The following ANKRD34C variants were observed in gnomAD, a reference collection of about 807,000 sequenced individuals.
The protein encoded by ANKRD34C is ankyrin repeat domain 34C.
For missense variants in ANKRD34C, 563 were observed against 653.0 expected (o/e 0.86, Z 1.50); for synonymous variants, 260 against 253.6 (o/e 1.03, Z -0.24).
intron 1 of ANKRD34C, among the ~76,000 whole-genome samples, chr15:79,289,292 T>TA (rs1015332854): frequency 3.3e-5 from 5 of 152,150 alleles, no homozygotes; most frequent in Non-Finnish European, 5.9e-5. Context: ...AGGCCCACAG[T>TA]AAAAAAATGG....
At chr15:79,286,464 C>A (rs981291506) in intron 1 of ANKRD34C, among the ~76,000 whole-genome samples, 2 of 152,174 alleles carry the variant, frequency 1.3e-5, no homozygotes, top group African/African-American at 2.4e-5. Context: ...TTCTCTCCAA[C>A]GAGCTTAGAG....
At position 79,294,276 on chromosome 15, in the gene ANKRD34C, C is replaced by A; in HGVS notation, c.992C>A (p.Ala331Glu). 1 of 1,551,678 alleles carries A rather than the reference C, an allele frequency of 6.4e-7. No individual in the cohort carries two copies. Among genetic ancestry groups the A allele is most frequent in the Non-Finnish European group, 8.7e-7 (1 of 1,146,974 alleles). ...TCTTCAGCACCGGCATCCTGGAAAG[C>A]AGCCTATGAGAAAGGTCAGGCTCCC... ...PVSSAPASWKAAYEKGQAPHP... is the reference protein window; with the variant it reads ...PVSSAPASWKEAYEKGQAPHP... The change falls in exon 2 of 2, where the codon GCA (alanine) becomes GAA (glutamate). Residue 331 changes from alanine (A) to glutamate (E), a missense_variant. Ala to Glu is a moderately radical substitution (Grantham distance 107, BLOSUM62 -1). Coordinates refer to ENST00000421388, the MANE Select transcript of ANKRD34C (RefSeq NM_001146341.2).
At position 79,288,623 on chromosome 15, in the gene ANKRD34C, G is replaced by C. The variant is rs372109575; in HGVS notation, c.-44-4618G>C. 1.8e-3 allele frequency among the ~76,000 whole-genome samples: 276 copies of C among 152,128 alleles called. 1 individual carries two copies. The highest frequency in any genetic ancestry group is 6.4e-3 in the African/African-American group (265 of 41,494). ...AGTAGTGACCTGACACTAAGTCTGT[G>C]GGAAAGGTTTGAACTTTGTTAAGAC... On this transcript the variant is annotated intron_variant, in intron 1 of 1. Transcript: ENST00000421388.
Position 79,294,901 on chromosome 15 carries a change from G to A in ANKRD34C, c.*9G>A. The A allele has an allele frequency of 6.6e-7, 1 of 1,521,618 alleles. No homozygotes were observed. Among genetic ancestry groups the A allele is most frequent in the Non-Finnish European group, 8.8e-7 (1 of 1,137,692 alleles). 94.3% of individuals were successfully genotyped at this position (1,521,618 alleles called of 1,614,324 possible). On this transcript the variant is annotated 3_prime_UTR_variant, in exon 2 of 2. Transcript: ENST00000421388. ...AAGAAATCATGACCTAGAAGCTTTAGAAAGGCTTAAAATAGTCAATATAGT... is the reference window on the plus strand; with the variant it reads ...AAGAAATCATGACCTAGAAGCTTTAAAAAGGCTTAAAATAGTCAATATAGT...
At position 79,294,662 on chromosome 15, in the gene ANKRD34C, C is replaced by A; in HGVS notation, c.1378C>A (p.Pro460Thr). The change falls in exon 2 of 2, where the codon CCT becomes ACT. Residue 460 changes from proline (P) to threonine (T), a missense_variant. Coordinates refer to ENST00000421388, the MANE Select transcript of ANKRD34C (RefSeq NM_001146341.2). ...LLLDRISHTR[P>T]GFLPPLNVNL... ...CCTTGATCGCATTTCTCACACTAGG[C>A]CTGGCTTCCTGCCGCCTTTAAATGT... is the stretch of plus-strand genomic sequence containing the variant. 6.4e-7 allele frequency: 1 copy of A among 1,551,720 alleles called. No individual in the cohort carries two copies. Among genetic ancestry groups the A allele is most frequent in the East Asian group, 2.4e-5 (1 of 40,920 alleles).
Position 79,293,682 on chromosome 15 carries a change from A to C in ANKRD34C, c.398A>C (p.Asp133Ala), listed in dbSNP as rs1007003517. The part of the protein sequence containing the change: ...LVYAINADDK[D>A]ALKHLLDACK... Reference sequence around the variant, plus strand: ...TATGCAATAAATGCAGATGACAAGGATGCATTGAAGCATCTCCTTGATGCC... The same window carrying C: ...TATGCAATAAATGCAGATGACAAGGCTGCATTGAAGCATCTCCTTGATGCC... Residue 133 changes from aspartate (D) to alanine (A), a missense_variant, in exon 2 of 2, where the codon GAT (aspartate) becomes GCT (alanine). By Grantham distance (126) the Asp-to-Ala change is moderately radical. Transcript: ENST00000421388. 3.9e-6 allele frequency: 6 copies of C among 1,551,578 alleles called. No individual in the cohort carries two copies. In the African/African-American group the frequency reaches 6.8e-5, roughly 18 times the overall value.
chr15:79,283,222 C>A lies in ANKRD34C; in HGVS notation c.-51C>A, dbSNP rs1194080662. 1.3e-5 allele frequency among the ~76,000 whole-genome samples: 2 copies of A among 152,178 alleles called. No homozygotes were observed. The highest frequency in any genetic ancestry group is 4.8e-5 in the African/African-American group (2 of 41,454). ...AGGTGGCCTCGCTCGGCGATTGTCC[C>A]CACCAGGTAAGCGCACCCCCAGGGG... On this transcript the variant is annotated 5_prime_UTR_variant, in exon 1 of 2. Coordinates refer to ENST00000421388, the MANE Select transcript of ANKRD34C (RefSeq NM_001146341.2).
intron 1 of ANKRD34C, among the ~76,000 whole-genome samples, chr15:79,291,928 A>C (rs975772629): frequency 6.6e-6 from 1 of 152,196 alleles, no homozygotes; most frequent in Non-Finnish European, 1.5e-5. Context: ...ATATACTTAC[A>C]TGTAGTTTGG....
At position 79,293,834 on chromosome 15, in the gene ANKRD34C, C is replaced by T; in HGVS notation, c.550C>T (p.Leu184=). Residue 184 remains leucine (L), a synonymous_variant, in exon 2 of 2, where the codon CTG becomes TTG. Transcript: ENST00000421388. ...AGTAGAAGACAGGCATTCACCTCCA[C>T]TGTGTGCGTCTCCCTCTGACATAGA... ...PKVEDRHSPP[L]CASPSDIELK... is the part of the protein sequence containing the mutation. 6.4e-7 allele frequency: 1 copy of T among 1,551,778 alleles called. No homozygotes were observed. Among genetic ancestry groups the T allele is most frequent in the Middle Eastern group, 1.7e-4 (1 of 5,992 alleles).
intron 1 of ANKRD34C, among the ~76,000 whole-genome samples, chr15:79,292,016 A>G (rs1298337145): frequency 6.6e-6 from 1 of 152,234 alleles, no homozygotes; most frequent in Non-Finnish European, 1.5e-5. Context: ...CTCAATTTCA[A>G]CCAAGAAAAG....
Position 79,297,515 on chromosome 15 carries a change from C to A in ANKRD34C, c.*2623C>A, listed in dbSNP as rs2058675041. The A allele has an allele frequency of 6.0e-6, 1 of 167,026 alleles. No individual in the cohort carries two copies. The highest frequency in any genetic ancestry group is 2.1e-4 in the South Asian group (1 of 4,830). 10.3% of individuals were successfully genotyped at this position (167,026 alleles called of 1,614,324 possible). Reference sequence around the variant, plus strand: ...AGTTGCTCATTCAGGATAGCCGGTCCATTGCACAAATGTGTAATATCAGGT... The same window carrying A: ...AGTTGCTCATTCAGGATAGCCGGTCAATTGCACAAATGTGTAATATCAGGT... On this transcript the variant is annotated 3_prime_UTR_variant, in exon 2 of 2. Coordinates refer to ENST00000421388, the MANE Select transcript of ANKRD34C (RefSeq NM_001146341.2).
Position 79,291,909 on chromosome 15 carries a change from T to C in ANKRD34C, c.-44-1332T>C, listed in dbSNP as rs140429224. Among the ~76,000 whole-genome samples the C allele has an allele frequency of 2.0e-5, 3 of 152,358 alleles. No homozygotes were observed. The East Asian group carries it at 5.8e-4, about 29-fold the overall frequency. On this transcript the variant is annotated intron_variant, in intron 1 of 1. Transcript: ENST00000421388. ...GTGGGGGATGAATAAAGGAGACCTC[T>C]TCCTCTTTATATACTTACATGTAGT...
In ANKRD34C at chr15:79,294,392, G is replaced by C; in HGVS notation, c.1108G>C (p.Ala370Pro). The change falls in exon 2 of 2, where the codon GCA becomes CCA. Residue 370 changes from alanine (A) to proline (P), a missense_variant. By Grantham distance (27) the Ala-to-Pro change is conservative (BLOSUM62 -1). Coordinates refer to ENST00000421388, the MANE Select transcript of ANKRD34C (RefSeq NM_001146341.2). ...PSGPSALKEP[A>P]SLKWLENDLY... ...AGGACCCTCTGCTCTCAAAGAGCCT[G>C]CATCCCTCAAATGGCTGGAAAATGA... The C allele has an allele frequency of 6.4e-7, 1 of 1,551,506 alleles. No individual in the cohort carries two copies. Among genetic ancestry groups the C allele is most frequent in the Non-Finnish European group, 8.7e-7 (1 of 1,146,932 alleles).
At chr15:79,290,985 TA>T (rs2058657546) in intron 1 of ANKRD34C, among the ~76,000 whole-genome samples, 1 of 152,246 alleles carries the variant, frequency 6.6e-6, no homozygotes, top group Admixed American at 6.5e-5. Flanking sequence ...TGAGTACTAA[TA>T]AGGCTGGGTA....
rs1567016460 is a variant in ANKRD34C, at chr15:79,293,258, G to A, written c.-27G>A. The A allele has an allele frequency of 2.7e-6, 4 of 1,478,902 alleles. No homozygotes were observed. The East Asian group carries it at 9.9e-5, about 37-fold the overall frequency. 91.6% of individuals were successfully genotyped at this position (1,478,902 alleles called of 1,614,324 possible). ...TTTGCTAGGTTTGATTGCTACTGTGGCTCAGGTCCTCTAAACTGTAGCCAA... is the reference window on the plus strand; with the variant it reads ...TTTGCTAGGTTTGATTGCTACTGTGACTCAGGTCCTCTAAACTGTAGCCAA... On this transcript the variant is annotated 5_prime_UTR_variant, in exon 2 of 2. Coordinates refer to ENST00000421388, the MANE Select transcript of ANKRD34C (RefSeq NM_001146341.2).
chr15:79,294,465 T>C lies in ANKRD34C; in HGVS notation c.1181T>C (p.Ile394Thr). 2 of 1,551,696 alleles carry C rather than the reference T, an allele frequency of 1.3e-6. No homozygotes were observed. The highest frequency in any genetic ancestry group is 1.7e-6 in the Non-Finnish European group (2 of 1,146,986). The change falls in exon 2 of 2, where the codon ATT (isoleucine) becomes ACT (threonine). Residue 394 changes from isoleucine to threonine, a missense_variant. Transcript: ENST00000421388. ...IQPGPDPPNSISLESGKGPLD... is the reference protein window; with the variant it reads ...IQPGPDPPNSTSLESGKGPLD... The stretch of plus-strand genomic sequence containing the variant: ...CCAGGGCCTGACCCTCCCAACTCCA[T>C]TTCCCTTGAATCCGGCAAAGGACCT...
At chr15:79,288,722 C>T (rs76339740) in intron 1 of ANKRD34C, among the ~76,000 whole-genome samples, 1,621 of 151,100 alleles carry the variant, frequency 0.011, 30 homozygotes, top group African/African-American at 0.037. Flanking sequence ...CTATGCATAT[C>T]TGGGATGGTG....
In ANKRD34C at chr15:79,293,637, C is replaced by G; in HGVS notation, c.353C>G (p.Thr118Ser). 1 of 1,551,664 alleles carries G rather than the reference C, an allele frequency of 6.4e-7. No individual in the cohort carries two copies. The highest frequency in any genetic ancestry group is 8.7e-7 in the Non-Finnish European group (1 of 1,146,986). Reference sequence around the variant, plus strand: ...GCAGACCCCAGCCTTGAAGATCGCACTGGGGCTTCAGCTCTGGTTTATGCA... The same window carrying G: ...GCAGACCCCAGCCTTGAAGATCGCAGTGGGGCTTCAGCTCTGGTTTATGCA... Reference protein sequence around the residue: ...NGADPSLEDRTGASALVYAIN... With the variant: ...NGADPSLEDRSGASALVYAIN... The change falls in exon 2 of 2, where the codon ACT (threonine) becomes AGT (serine). Residue 118 changes from threonine (T) to serine (S), a missense_variant. Thr to Ser is a moderately conservative substitution (Grantham distance 58). Transcript: ENST00000421388.
At chr15:79,287,067 C>T (rs1327465437) in intron 1 of ANKRD34C, among the ~76,000 whole-genome samples, 1 of 152,182 alleles carries the variant, frequency 6.6e-6, no homozygotes, top group Non-Finnish European at 1.5e-5. Context: ...GAGCCCTTTC[C>T]TAATCTGCAC....
Sources: allele counts gnomAD v4.1 joint callset (sites outside exome capture counted in the v4.1 genomes callset), GRCh38; gene constraint gnomAD v4.1.1; transcripts MANE v1.5; gene names NCBI Gene and HGNC (gene_info 2026-07-23, HGNC 2026-07-21).